Variants in CFAP299 observed in about 807,000 individuals in gnomAD.
CFAP299 encodes the protein cilia and flagella associated protein 299.
Under a neutral mutation model 27.0 loss-of-function variants are expected in CFAP299, and 21 were observed. The ratio of observed to expected loss-of-function variants is 0.78; its 90% CI spans 0.55 to 1.12. The LOEUF is 1.12. CFAP299 is among the 50% of genes most tolerant of loss of function. The probability of loss-of-function intolerance (pLI) is 0.00; values close to 1 mark genes in which losing one functional copy is unlikely to be tolerated. For synonymous variants in CFAP299, 104 were observed against 98.1 expected (o/e 1.06, Z -0.36); for missense variants, 310 against 276.6 (o/e 1.12, Z -0.86).
chr4:80,847,319 G>T (rs538255923), intron 3 of CFAP299, among the ~76,000 whole-genome samples: 1 of 152,156 alleles, frequency 6.6e-6, no homozygotes, highest in East Asian at 1.9e-4. Flanking sequence ...TTGGCCCTTC[G>T]TAGACATACA....
rs1730342599 is a variant in CFAP299, at chr4:80,832,353, A to C, written c.334-37640A>C. Among the ~76,000 whole-genome samples, 4 of 152,232 alleles carry C rather than the reference A, an allele frequency of 2.6e-5. No homozygotes were observed. In the South Asian group the frequency reaches 8.3e-4, roughly 32 times the overall value. On this transcript the variant is annotated intron_variant, in intron 3 of 5. Coordinates refer to ENST00000358105, the MANE Select transcript of CFAP299 (RefSeq NM_152770.3). ...TGTCTTTAACTATTTCTTTCTCATCAAATTGGAAAATATGTCTACTACTTG... is the reference window on the plus strand; with the variant it reads ...TGTCTTTAACTATTTCTTTCTCATCCAATTGGAAAATATGTCTACTACTTG...
At chr4:80,941,661 A>ACAAAACAAAAC (rs1553908275) in intron 4 of CFAP299, among the ~76,000 whole-genome samples, 1 of 152,112 alleles carries the variant, frequency 6.6e-6, no homozygotes, top group African/African-American at 2.4e-5. Context: ...ATTTATTTAA[A>ACAAAACAAAAC]AAAACAAAAC....
intron 4 of CFAP299, among the ~76,000 whole-genome samples, chr4:80,938,341 T>C (rs188637396): frequency 6.6e-6 from 1 of 152,318 alleles, no homozygotes; most frequent in African/African-American, 2.4e-5. Flanking sequence ...AAGGAACACC[T>C]GGCCCACCCA....
chr4:80,802,502 C>T (rs753730052), intron 3 of CFAP299, among the ~76,000 whole-genome samples: 7 of 151,974 alleles, frequency 4.6e-5, no homozygotes, highest in East Asian at 1.9e-4. Context: ...TTGTCATCTA[C>T]GAGCACTTCA....
At chr4:80,456,314 T>C (rs1729152775) in intron 2 of CFAP299, among the ~76,000 whole-genome samples, 1 of 151,744 alleles carries the variant, frequency 6.6e-6, no homozygotes, top group African/African-American at 2.4e-5. Context: ...CTCAGAGGAG[T>C]GTCCAGATAT....
intron 4 of CFAP299, among the ~76,000 whole-genome samples, chr4:80,890,134 T>C (rs996920778): frequency 6.6e-6 from 1 of 152,066 alleles, no homozygotes; most frequent in Admixed American, 6.6e-5. Context: ...GCCATAATAC[T>C]TAGACAGGAG....
At chr4:80,711,673 C>G (rs1722181932) in intron 3 of CFAP299, among the ~76,000 whole-genome samples, 1 of 152,114 alleles carries the variant, frequency 6.6e-6, no homozygotes, top group African/African-American at 2.4e-5. Context: ...TAACTGGAAC[C>G]AAGACTGACA....
intron 4 of CFAP299, among the ~76,000 whole-genome samples, chr4:80,918,912 A>T (rs933607048): frequency 6.6e-6 from 1 of 152,096 alleles, no homozygotes; most frequent in Non-Finnish European, 1.5e-5. Flanking sequence ...TTCATCTCTG[A>T]GGATGTTAAG....
At position 80,886,279 on chromosome 4, in the gene CFAP299, T is replaced by C. The variant is rs988708533; in HGVS notation, c.476+16144T>C. Among the ~76,000 whole-genome samples the C allele has an allele frequency of 3.9e-5, 6 of 152,288 alleles. No homozygotes were observed. The East Asian group carries it at 9.7e-4, about 25-fold the overall frequency. Reference sequence around the variant, plus strand: ...GAATGTGCCCAGGGCCTGGGGAAACTCTTTACTTTCAAGTGAAGGGCTTCG... The same window carrying C: ...GAATGTGCCCAGGGCCTGGGGAAACCCTTTACTTTCAAGTGAAGGGCTTCG... On this transcript the variant is annotated intron_variant, in intron 4 of 5. Transcript: ENST00000358105.
At chr4:80,612,069 G>A (rs895803930) in intron 3 of CFAP299, among the ~76,000 whole-genome samples, 1 of 148,348 alleles carries the variant, frequency 6.7e-6, no homozygotes, top group African/African-American at 2.6e-5. Flanking sequence ...TATAGGGACA[G>A]TATGTGCCAT....
chr4:80,560,452 T>C lies in CFAP299; in HGVS notation c.243-22641T>C, dbSNP rs141059266. On this transcript the variant is annotated intron_variant, in intron 2 of 5. Coordinates refer to ENST00000358105, the MANE Select transcript of CFAP299 (RefSeq NM_152770.3). ...GCAGAGGGAAAAGTAAAGGGGACTT[T>C]GTCTTGCACTTTAGGTACCAGCATA... Among the ~76,000 whole-genome samples the C allele has an allele frequency of 8.4e-3, 1,283 of 152,200 alleles. 12 individuals carry two copies. The highest frequency in any genetic ancestry group is 0.029 in the African/African-American group (1,210 of 41,546).
chr4:80,675,209 T>A (rs749622194), intron 3 of CFAP299, among the ~76,000 whole-genome samples: 1 of 152,184 alleles, frequency 6.6e-6, no homozygotes, highest in East Asian at 1.9e-4. Flanking sequence ...GGGGTTTTGG[T>A]GTGGATGTCC....
chr4:80,406,015 C>T (rs115801045), intron 2 of CFAP299, among the ~76,000 whole-genome samples: 1,763 of 152,130 alleles, frequency 0.012, 44 homozygotes, highest in African/African-American at 0.04. Flanking sequence ...GTATCTACTC[C>T]TCAGGATAGA....
Position 80,937,312 on chromosome 4 carries a change from C to CTTTTTTTTTTTTTTTTTTTTTTTTTT in CFAP299, c.477-7476_477-7475insTTTTTTTTTTTTTTTTTTTTTTTTTT, listed in dbSNP as rs70956081. ...TTTTCTTTTTTCTTTTTTTTTCTTT[C>CTTTTTTTTTTTTTTTTTTTTTTTTTT]TTTTTTTTTTTTTTTTTTTTTTGAG... On this transcript the variant is annotated intron_variant, in intron 4 of 5. Transcript: ENST00000358105. Among the ~76,000 whole-genome samples, 63 of 68,660 alleles carry CTTTTTTTTTTTTTTTTTTTTTTTTTT rather than the reference C, an allele frequency of 9.2e-4. 6 individuals are homozygous for CTTTTTTTTTTTTTTTTTTTTTTTTTT. The highest frequency in any genetic ancestry group is 2.1e-3 in the East Asian group (4 of 1,912). The allele number at this position is 68,660 out of a possible 152,430, so 45.0% of individuals were successfully genotyped here. A position where few individuals can be genotyped will look rare whatever the true frequency, so the allele number is the denominator to read the frequency against.
At chr4:80,866,095 A>ATATATATATATC (rs1243634550) in intron 3 of CFAP299, among the ~76,000 whole-genome samples, 3 of 126,502 alleles carry the variant, frequency 2.4e-5, no homozygotes, top group African/African-American at 6.0e-5. Context: ...ATATATATAT[A>ATATATATATATC]TCTTCCCAAA....
intron 3 of CFAP299, chr4:80,639,585 C>A (rs1011806100): frequency 6.6e-6 from 1 of 152,262 alleles, no homozygotes; most frequent in Admixed American, 6.6e-5. Context: ...ATATAAGGTA[C>A]CTAGAGTAGT....
At chr4:80,504,906 T>C (rs1283967161) in intron 2 of CFAP299, among the ~76,000 whole-genome samples, 1 of 148,276 alleles carries the variant, frequency 6.7e-6, no homozygotes, top group East Asian at 1.9e-4. Flanking sequence ...ATATATATGA[T>C]ATATATATTA....
chr4:80,825,628 G>A (rs145830272), intron 3 of CFAP299, among the ~76,000 whole-genome samples: 1 of 152,014 alleles, frequency 6.6e-6, no homozygotes, highest in African/African-American at 2.4e-5. Flanking sequence ...AGTCAACCAA[G>A]AATCCTATAT....
intron 3 of CFAP299, among the ~76,000 whole-genome samples, chr4:80,640,149 T>C (rs1245609673): frequency 1.3e-5 from 2 of 152,180 alleles, no homozygotes; most frequent in Non-Finnish European, 2.9e-5. Context: ...AAAAAATAAA[T>C]AAACTAAGTG....
Sources: gnomAD v4.1 joint callset for allele counts (sites outside exome capture counted in the v4.1 genomes callset) on GRCh38, gnomAD v4.1.1 for gene constraint, MANE v1.5 for transcripts, NCBI Gene and HGNC (gene_info 2026-07-23, HGNC 2026-07-21) for gene names.